BCL6: variants seen among roughly 807,000 people sequenced by gnomAD.
BCL6 encodes BCL6 transcription repressor, also known as B-cell lymphoma 6 protein.
BCL6 carries 7 observed loss-of-function variants against 59.5 expected under a neutral mutation model. The ratio of observed to expected loss-of-function variants is 0.12; its 90% CI spans 0.07 to 0.22. The LOEUF is 0.22. BCL6 is among the 10% of genes least tolerant of loss of function. The pLI, the probability that BCL6 is intolerant of heterozygous loss-of-function variation, is 1.00. For synonymous variants in BCL6, 339 were observed against 349.7 expected, an observed-to-expected ratio of 0.97 and a Z score of 0.34; for missense variants, 685 against 939.4, an observed-to-expected ratio of 0.73 and a Z score of 3.54.
intron 2 of BCL6, among the ~76,000 whole-genome samples, chr3:187,734,054 T>G (rs1026522728): frequency 6.6e-6 from 1 of 152,114 alleles, no homozygotes; most frequent in Non-Finnish European, 1.5e-5. Context: ...TTGTTTTTGT[T>G]TTTTGAGATG....
Position 187,722,304 on chromosome 3 carries a change from G to GGGCCCCCCC in BCL6, c.*153_*154insGGGGGGGCC. On this transcript the variant is annotated 3_prime_UTR_variant, in exon 10 of 10. Coordinates refer to ENST00000406870, the MANE Select transcript of BCL6 (RefSeq NM_001706.5). ...GCTGCTGCGGCTCCCAGTCCCCCAG[G>GGGCCCCCCC]CCCCGACCCCCACCACCCCCAACCC... 3.2e-6 allele frequency: 1 copy of GGGCCCCCCC among 309,308 alleles called. No individual in the cohort carries two copies. Among genetic ancestry groups the GGGCCCCCCC allele is most frequent in the Non-Finnish European group, 5.9e-6 (1 of 169,634 alleles). 19.2% of individuals were successfully genotyped at this position (309,308 alleles called of 1,614,324 possible).
intron 7 of BCL6, 121 bp downstream of exon 7, chr3:187,726,610 G>C: frequency 7.2e-7 from 1 of 1,397,170 alleles, no homozygotes; most frequent in South Asian, 1.4e-5. Context: ...GGCCAGGATG[G>C]GGCCTGCCTC....
intron 3 of BCL6, 24 bp downstream of exon 3, chr3:187,733,509 A>C (rs1719143876): frequency 6.2e-7 from 1 of 1,608,654 alleles, no homozygotes; most frequent in East Asian, 2.2e-5. Context: ...TGACTTACCC[A>C]CCCTTTCCTT....
In BCL6 at chr3:187,725,385, G is replaced by A. The variant is rs896265439; in HGVS notation, c.1839+114C>T. On this transcript the variant is annotated intron_variant, in intron 8 of 9. Coordinates refer to ENST00000406870, the MANE Select transcript of BCL6 (RefSeq NM_001706.5). The surrounding 1 kb of genome is among the most constrained non-coding windows in gnomAD (Gnocchi z 4.7). ...CCCGCTCTGCTCACCTGCCCGCTCC[G>A]CTTGCCTGCCCGCTCCACTTGCCTG... 18 of 1,539,616 alleles carry A rather than the reference G, an allele frequency of 1.2e-5. No individual in the cohort carries two copies. The highest frequency in any genetic ancestry group is 3.9e-5 in the Admixed American group (2 of 51,740).
At chr3:187,724,368 C>T (rs937341348) in intron 9 of BCL6, among the ~76,000 whole-genome samples, 8 of 152,220 alleles carry the variant, frequency 5.3e-5, no homozygotes, top group Non-Finnish European at 7.3e-5. Flanking sequence ...GCCGAGACCC[C>T]GCCCTAGAAC....
chr3:187,738,324 T>C (rs1719385412), intron 1 of BCL6, among the ~76,000 whole-genome samples: 1 of 152,180 alleles, frequency 6.6e-6, no homozygotes, highest in African/African-American at 2.4e-5. Context: ...CCCTAGGGGC[T>C]GAGGGTCTCC....
Position 187,729,518 on chromosome 3 carries a change from C to G in BCL6, c.887G>C (p.Cys296Ser). 6.2e-7 allele frequency: 1 copy of G among 1,613,700 alleles called. No individual in the cohort carries two copies. Among genetic ancestry groups the G allele is most frequent in the South Asian group, 1.1e-5 (1 of 91,072 alleles). ...CTCTTCTTCTTTGCTGGCCTTGTCA[C>G]AAGGGAAGTAGGGGGCATTTCGGGC... ...PSARNAPYFP[C>S]DKASKEEERP... is the part of the protein sequence containing the mutation. Residue 296 changes from cysteine (C) to serine (S), a missense_variant, in exon 5 of 10, where the codon TGT becomes TCT. Coordinates refer to ENST00000406870, the MANE Select transcript of BCL6 (RefSeq NM_001706.5). The surrounding 1 kb of genome is among the most constrained non-coding windows in gnomAD (Gnocchi z 5.6).
intron 7 of BCL6, among the ~76,000 whole-genome samples, chr3:187,726,065 T>C (rs1270010112): frequency 6.6e-6 from 1 of 152,218 alleles, no homozygotes; most frequent in Non-Finnish European, 1.5e-5. Flanking sequence ...AGCTTTTCCC[T>C]TGGATAAGAC....
chr3:187,742,259 G>A (rs571051613), intron 1 of BCL6, among the ~76,000 whole-genome samples: 38 of 152,274 alleles, frequency 2.5e-4, no homozygotes, highest in African/African-American at 8.7e-4. Context: ...TGGGTTGTGA[G>A]TGTCATTACC....
chr3:187,745,236 A>T (rs550865615), intron 1 of BCL6, among the ~76,000 whole-genome samples, 174 bp downstream of exon 1: 1 of 152,294 alleles, frequency 6.6e-6, no homozygotes, highest in Admixed American at 6.5e-5. Context: ...ATACATTTAT[A>T]TCAATAGATA....
intron 2 of BCL6, chr3:187,733,921 C>T (rs1880099): frequency 0.58 from 327,972 of 565,004 alleles, 101,492 homozygotes; most frequent in East Asian, 0.74. Context: ...GATAGAAAGC[C>T]CTTTAGGGGA....
chr3:187,738,104 G>A (rs908376470), intron 1 of BCL6, among the ~76,000 whole-genome samples: 1 of 152,120 alleles, frequency 6.6e-6, no homozygotes, highest in Admixed American at 6.5e-5. Flanking sequence ...ACCCACAACA[G>A]TTTATAAATG....
At chr3:187,727,449 A>G (rs768537427) in intron 6 of BCL6, among the ~76,000 whole-genome samples, 2 of 152,254 alleles carry the variant, frequency 1.3e-5, no homozygotes, top group Non-Finnish European at 2.9e-5. Flanking sequence ...CTTTGAGGTC[A>G]CTGAAGGAGG....
intron 1 of BCL6, among the ~76,000 whole-genome samples, chr3:187,744,266 T>C (rs564065129): frequency 2.0e-5 from 3 of 151,950 alleles, no homozygotes; most frequent in African/African-American, 2.4e-5. Flanking sequence ...CCTGTCGAGG[T>C]TCCCTGAGTC....
At chr3:187,744,581 A>C (rs183085575) in intron 1 of BCL6, among the ~76,000 whole-genome samples, 2 of 152,270 alleles carry the variant, frequency 1.3e-5, no homozygotes, top group East Asian at 1.9e-4. Flanking sequence ...TGACCAAAAA[A>C]ACAAAAACAA....
At position 187,725,143 on chromosome 3, in the gene BCL6, A is replaced by C; in HGVS notation, c.1840-65T>G. ...GCTGCAGGCCTCTGGGCAGCCCCTCATTAGCACACAGCCAGTGAGTGGGCC... is the reference window on the plus strand; with the variant it reads ...GCTGCAGGCCTCTGGGCAGCCCCTCCTTAGCACACAGCCAGTGAGTGGGCC... On this transcript the variant is annotated intron_variant, in intron 8 of 9. Coordinates refer to ENST00000406870, the MANE Select transcript of BCL6 (RefSeq NM_001706.5). The surrounding 1 kb of genome is among the most constrained non-coding windows in gnomAD (Gnocchi z 4.7). The C allele has an allele frequency of 6.2e-7, 1 of 1,601,290 alleles. No homozygotes were observed. The highest frequency in any genetic ancestry group is 8.5e-7 in the Non-Finnish European group (1 of 1,171,714).
intron 5 of BCL6, 105 bp from the exon 6 acceptor site, chr3:187,728,649 A>G: frequency 8.5e-7 from 1 of 1,174,484 alleles, no homozygotes; most frequent in Non-Finnish European, 1.2e-6. Flanking sequence ...TGGGCTGCCC[A>G]CTCAAGCTCT....
At chr3:187,726,919 G>GA (rs1192210829) in intron 6 of BCL6, 21 bp from the exon 7 acceptor site, 7 of 1,613,140 alleles carry the variant, frequency 4.3e-6, no homozygotes, top group Non-Finnish European at 5.9e-6. Context: ...GTGGTAGGGG[G>GA]ACACCAAAGT....
chr3:187,734,775 A>G (rs928499909), intron 2 of BCL6, 94 bp downstream of exon 2: 1 of 152,684 alleles, frequency 6.5e-6, no homozygotes, highest in African/African-American at 2.4e-5. Flanking sequence ...TCATATAATG[A>G]ACAGTGGCAA....
Sources: gnomAD v4.1 joint callset for allele counts (sites outside exome capture counted in the v4.1 genomes callset) on GRCh38, gnomAD v4.1.1 for gene constraint, Gnocchi (gnomAD v3.1) non-coding constraint, MANE v1.5 for transcripts, NCBI Gene and HGNC (gene_info 2026-07-23, HGNC 2026-07-21) for gene names.